The following MRPS9 variants were observed in gnomAD, a reference collection of about 807,000 sequenced individuals.
MRPS9 encodes mitochondrial ribosomal protein S9.
Under a neutral mutation model 59.9 loss-of-function variants are expected in MRPS9, and 45 were observed. The observed-to-expected ratio is 0.75, with a 90% CI of 0.59 to 0.96. The LOEUF (loss-of-function observed/expected upper bound fraction) is 0.96, where lower values mean the gene tolerates loss of function less well. Among genes scored for constraint, MRPS9 ranks in the 40% least tolerant of loss-of-function variants. MRPS9 has a pLI of 0.00. For missense variants in MRPS9, 473 were observed against 481.1 expected, an observed-to-expected ratio of 0.98 and a Z score of 0.16; for synonymous variants, 171 against 166.8, an observed-to-expected ratio of 1.03 and a Z score of -0.19.
chr2:105,079,039 C>A (rs964690103), intron 4 of MRPS9, among the ~76,000 whole-genome samples: 2 of 151,618 alleles, frequency 1.3e-5, no homozygotes, highest in Non-Finnish European at 2.9e-5. Flanking sequence ...ACATTTCATG[C>A]GGGGGCGGAA....
At chr2:105,084,574 C>T (rs1032382655) in intron 5 of MRPS9, among the ~76,000 whole-genome samples, 1 of 152,114 alleles carries the variant, frequency 6.6e-6, no homozygotes, top group Admixed American at 6.6e-5. Context: ...TCTTTGTGAC[C>T]TTGCAGAGAA....
intron 1 of MRPS9, among the ~76,000 whole-genome samples, chr2:105,046,465 G>A (rs1679597836): frequency 6.6e-6 from 1 of 151,852 alleles, no homozygotes. Context: ...TCATGTCTCA[G>A]GTGATTAACA....
intron 4 of MRPS9, among the ~76,000 whole-genome samples, chr2:105,078,436 G>A (rs1680258545): frequency 6.6e-6 from 1 of 151,880 alleles, no homozygotes; most frequent in Non-Finnish European, 1.5e-5. Flanking sequence ...CTGCAGCCAT[G>A]ATGTTTGTCA....
Position 105,084,935 on chromosome 2 carries a change from A to C in MRPS9, c.490-4049A>C, listed in dbSNP as rs62151955. On this transcript the variant is annotated intron_variant, in intron 5 of 10. Transcript: ENST00000258455. ...ATATTATTGTCTCTATGTTGGCTTT[A>C]ATTAGATTACCTCTTTGTAATGGTA... 6.9e-3 allele frequency among the ~76,000 whole-genome samples: 1,047 copies of C among 152,276 alleles called. 6 individuals are homozygous for C. The highest frequency in any genetic ancestry group is 0.011 in the Non-Finnish European group (751 of 68,000).
At chr2:105,052,363 G>T (rs1256800481) in intron 2 of MRPS9, among the ~76,000 whole-genome samples, 1 of 152,116 alleles carries the variant, frequency 6.6e-6, no homozygotes, top group Non-Finnish European at 1.5e-5. Flanking sequence ...ATTGGATATT[G>T]TCAGATGCTT....
intron 9 of MRPS9, among the ~76,000 whole-genome samples, chr2:105,095,987 T>C (rs1680652218): frequency 6.6e-6 from 1 of 152,186 alleles, no homozygotes; most frequent in South Asian, 2.1e-4. Context: ...TCATAGTATA[T>C]TAATAGATAC....
chr2:105,084,492 C>T (rs1213706608), intron 5 of MRPS9, among the ~76,000 whole-genome samples: 3 of 152,042 alleles, frequency 2.0e-5, no homozygotes, highest in Non-Finnish European at 4.4e-5. Flanking sequence ...TGTGAAGATT[C>T]CAGACTCTTA....
intron 2 of MRPS9, among the ~76,000 whole-genome samples, chr2:105,061,822 G>A (rs934375328): frequency 3.9e-5 from 6 of 152,160 alleles, no homozygotes; most frequent in Non-Finnish European, 5.9e-5. Context: ...CTCCTAGAAC[G>A]TAAGATGGAG....
At chr2:105,081,050 G>A (rs1384863054) in intron 5 of MRPS9, among the ~76,000 whole-genome samples, 2 of 152,210 alleles carry the variant, frequency 1.3e-5, no homozygotes, top group African/African-American at 2.4e-5. Context: ...CTCGGTAGAG[G>A]TTCTCTCCCG....
intron 4 of MRPS9, among the ~76,000 whole-genome samples, chr2:105,075,289 T>A (rs1680188379): frequency 6.6e-6 from 1 of 152,162 alleles, no homozygotes; most frequent in African/African-American, 2.4e-5. Flanking sequence ...TAGAACCAAG[T>A]GCTCTTACTG....
chr2:105,043,395 G>C (rs1467122640), intron 1 of MRPS9, among the ~76,000 whole-genome samples: 2 of 152,146 alleles, frequency 1.3e-5, no homozygotes, highest in Non-Finnish European at 2.9e-5. Flanking sequence ...GCTGGTTATA[G>C]TTGAGAAGAC....
chr2:105,046,256 C>A (rs182822274), intron 1 of MRPS9, among the ~76,000 whole-genome samples: 71 of 142,526 alleles, frequency 5.0e-4, no homozygotes, highest in Middle Eastern at 3.5e-3. Flanking sequence ...GTCTGTTAAA[C>A]CTACCGCCTT....
chr2:105,038,749 A>G (rs1377288862), intron 1 of MRPS9, among the ~76,000 whole-genome samples: 2 of 152,170 alleles, frequency 1.3e-5, no homozygotes, highest in Non-Finnish European at 2.9e-5. Context: ...CAGAACTTGT[A>G]CGTTTCGTTT....
chr2:105,095,905 C>T (rs893826782), intron 9 of MRPS9, among the ~76,000 whole-genome samples: 12 of 152,010 alleles, frequency 7.9e-5, no homozygotes, highest in African/African-American at 2.9e-4. Flanking sequence ...CTGCTGGGCT[C>T]AAGCAGTCCT....
chr2:105,064,053 A>T (rs1679952797), intron 2 of MRPS9, among the ~76,000 whole-genome samples: 1 of 152,232 alleles, frequency 6.6e-6, no homozygotes, highest in African/African-American at 2.4e-5. Context: ...AAATCCCTAA[A>T]GCAATTGACA....
intron 2 of MRPS9, among the ~76,000 whole-genome samples, chr2:105,053,204 G>T (rs1679741909): frequency 6.6e-6 from 1 of 152,164 alleles, no homozygotes; most frequent in Non-Finnish European, 1.5e-5. Flanking sequence ...TTGTTGTTTG[G>T]AGTAGTTTGT....
chr2:105,077,752 G>A (rs1680243962), intron 4 of MRPS9, among the ~76,000 whole-genome samples: 2 of 151,964 alleles, frequency 1.3e-5, no homozygotes, highest in African/African-American at 4.8e-5. Flanking sequence ...ACACAAATAA[G>A]ACTTGCAAAA....
intron 1 of MRPS9, among the ~76,000 whole-genome samples, chr2:105,045,338 A>G (rs887382178): frequency 4.0e-5 from 6 of 149,472 alleles, no homozygotes; most frequent in Non-Finnish European, 8.9e-5. Context: ...AGAAAACCCA[A>G]TTCTTTTTTT....
At chr2:105,060,017 T>TAAAAAAAA (rs10547330) in intron 2 of MRPS9, among the ~76,000 whole-genome samples, 9 of 100,592 alleles carry the variant, frequency 8.9e-5, no homozygotes, top group African/African-American at 3.3e-4. Flanking sequence ...GGAAAACTGC[T>TAAAAAAAA]AAAAAAAAAA....
Sources: allele counts gnomAD v4.1 joint callset (sites outside exome capture counted in the v4.1 genomes callset), GRCh38; gene constraint gnomAD v4.1.1; transcripts MANE v1.5; gene names NCBI Gene and HGNC (gene_info 2026-07-23, HGNC 2026-07-21).